The following DOCK10 variants were observed in gnomAD, a reference collection of about 807,000 sequenced individuals.
DOCK10 encodes the protein dedicator of cytokinesis protein 10.
In DOCK10, 145 loss-of-function variants were observed where a neutral mutation model predicts 280.1. That is an observed-to-expected ratio of 0.52 (90% CI 0.45 to 0.59). The LOEUF (loss-of-function observed/expected upper bound fraction) is 0.59, where lower values mean the gene tolerates loss of function less well. Among genes scored for constraint, DOCK10 ranks in the 20% least tolerant of loss-of-function variants. The pLI, the probability that DOCK10 is intolerant of heterozygous loss-of-function variation, is 0.00. For missense variants in DOCK10, 2,368 were observed against 2,651.7 expected (o/e 0.89, Z 2.35); for synonymous variants, 915 against 942.2 (o/e 0.97, Z 0.53).
rs186621722 is a variant in DOCK10 at position 224,766,648 on chromosome 2, C to T, written c.6445-811G>A. 2.5e-3 allele frequency among the ~76,000 whole-genome samples: 379 copies of T among 152,294 alleles called. 1 individual carries two copies. Among genetic ancestry groups the T allele is most frequent in the African/African-American group, 8.8e-3 (367 of 41,568 alleles). On this transcript the variant is annotated intron_variant, in intron 55 of 55. Transcript: ENST00000258390. ...CACACCAGATTGGGTCCATTCCTTT[C>T]TCTGCATTTTGTATTGGATACCCAT...
chr2:224,873,594 C>CA (rs35401247), intron 11 of DOCK10, among the ~76,000 whole-genome samples: 8,104 of 33,438 alleles, frequency 0.24, 1,609 homozygotes, highest in East Asian at 0.34. Flanking sequence ...AAGACCATCT[C>CA]AAAAAAAAAA....
At chr2:224,810,662 G>T (rs1264474305) in intron 31 of DOCK10, among the ~76,000 whole-genome samples, 2 of 119,320 alleles carry the variant, frequency 1.7e-5, no homozygotes, top group African/African-American at 6.6e-5. Context: ...AGTCCCCAGA[G>T]TGTGATGTTC....
chr2:224,886,359 A>G, intron 5 of DOCK10, 100 bp downstream of exon 5: 1 of 1,452,064 alleles, frequency 6.9e-7, no homozygotes, highest in South Asian at 1.2e-5. Flanking sequence ...AACAGCTACT[A>G]CAGCTTACAA....
At chr2:224,814,406 C>T in intron 30 of DOCK10, 42 bp from the exon 31 acceptor site, 2 of 1,107,030 alleles carry the variant, frequency 1.8e-6, no homozygotes, top group Non-Finnish European at 2.6e-6. Context: ...TATACATATA[C>T]ATACTCAGAT....
At chr2:224,834,336 A>C in intron 25 of DOCK10, 73 bp from the exon 26 acceptor site, 1 of 880,418 alleles carries the variant, frequency 1.1e-6, no homozygotes, top group Non-Finnish European at 1.9e-6. Flanking sequence ...TGTCATGTGA[A>C]TAACTTATGT....
At chr2:224,834,325 A>G in intron 25 of DOCK10, 62 bp from the exon 26 acceptor site, 1 of 954,496 alleles carries the variant, frequency 1.0e-6, no homozygotes, top group Non-Finnish European at 1.7e-6. Context: ...TTCAAAAACT[A>G]TGTCATGTGA....
At chr2:224,823,955 T>C (rs1694677840) in intron 27 of DOCK10, among the ~76,000 whole-genome samples, 1 of 152,202 alleles carries the variant, frequency 6.6e-6, no homozygotes, top group South Asian at 2.1e-4. Context: ...GTGAACCTTC[T>C]CTGTGGCCTC....
intron 1 of DOCK10, among the ~76,000 whole-genome samples, chr2:225,003,787 T>C (rs993420072): frequency 6.6e-6 from 1 of 152,188 alleles, no homozygotes; most frequent in African/African-American, 2.4e-5. Flanking sequence ...TTTACACTGA[T>C]AAAATAAGGC....
At chr2:224,875,475 C>T (rs554252340) in intron 8 of DOCK10, among the ~76,000 whole-genome samples, 1 of 152,256 alleles carries the variant, frequency 6.6e-6, no homozygotes, top group Admixed American at 6.5e-5. Flanking sequence ...TTTCTTTCCT[C>T]TCTCTTGTTC....
At chr2:224,921,741 T>C (rs1701763247) in intron 2 of DOCK10, among the ~76,000 whole-genome samples, 1 of 152,210 alleles carries the variant, frequency 6.6e-6, no homozygotes, top group East Asian at 1.9e-4. Context: ...ATGTATGATG[T>C]ATGCCCATAA....
chr2:224,910,450 C>A (rs1362770334), intron 3 of DOCK10, among the ~76,000 whole-genome samples: 1 of 152,156 alleles, frequency 6.6e-6, no homozygotes, highest in Non-Finnish European at 1.5e-5. Context: ...AGGGACGGAG[C>A]TGGTGGCATG....
At position 224,808,288 on chromosome 2, in the gene DOCK10, T is replaced by C. The variant is rs147105396; in HGVS notation, c.3410-202A>G. ...ACTATTCTGTGTAGACAAACACAAA[T>C]ACAGGTACAAACTAACACACAACAT... On this transcript the variant is annotated intron_variant, in intron 31 of 55. Coordinates refer to ENST00000258390, the MANE Select transcript of DOCK10 (RefSeq NM_014689.3). Among the ~76,000 whole-genome samples the C allele has an allele frequency of 3.6e-3, 554 of 152,206 alleles. 2 individuals are homozygous for C. Among genetic ancestry groups the C allele is most frequent in the Non-Finnish European group, 5.2e-3 (351 of 67,992 alleles).
At chr2:225,014,081 A>ATATATATATATATATATATTT (rs776104946) in intron 1 of DOCK10, among the ~76,000 whole-genome samples, 6 of 96,798 alleles carry the variant, frequency 6.2e-5, no homozygotes, top group East Asian at 3.1e-4. Context: ...GTCTGAATAT[A>ATATATATATATATATATATTT]TTGTTTTTTT....
chr2:224,779,036 A>G (rs1039270651), intron 50 of DOCK10, among the ~76,000 whole-genome samples: 6 of 152,024 alleles, frequency 3.9e-5, no homozygotes, highest in African/African-American at 1.2e-4. Flanking sequence ...TTTAGCCTCT[A>G]TTAATTTATT....
chr2:224,873,945 G>T (rs1574973809), intron 11 of DOCK10, 51 bp downstream of exon 11: 1 of 1,554,504 alleles, frequency 6.4e-7, no homozygotes, highest in Non-Finnish European at 8.7e-7. Context: ...TTTGACTAGG[G>T]TGGTGTAATG....
At chr2:224,879,523 C>G (rs1386399084) in intron 7 of DOCK10, among the ~76,000 whole-genome samples, 1 of 152,116 alleles carries the variant, frequency 6.6e-6, no homozygotes, top group Non-Finnish European at 1.5e-5. Flanking sequence ...TTTAGGAGGC[C>G]AAGGCGGGCA....
intron 11 of DOCK10, among the ~76,000 whole-genome samples, chr2:224,870,401 T>A (rs1429528804): frequency 6.6e-6 from 1 of 152,152 alleles, no homozygotes; most frequent in African/African-American, 2.4e-5. Flanking sequence ...GTTTCTAGAT[T>A]TTTGTTTTGT....
chr2:224,856,695 A>G (rs921887625), intron 15 of DOCK10, among the ~76,000 whole-genome samples, 165 bp downstream of exon 15: 1 of 152,142 alleles, frequency 6.6e-6, no homozygotes, highest in Non-Finnish European at 1.5e-5. Flanking sequence ...AATTCTAGCA[A>G]TTTTTACTTT....
At chr2:224,801,767 TAACCAC>T in intron 40 of DOCK10, 143 bp downstream of exon 40, 3 of 843,822 alleles carry the variant, frequency 3.6e-6, no homozygotes, top group Non-Finnish European at 3.7e-6. Context: ...CATTTTTTTT[TAACCAC>T]TCCCTGGTGA....
Sources: gnomAD v4.1 joint callset for allele counts (sites outside exome capture counted in the v4.1 genomes callset) on GRCh38, gnomAD v4.1.1 for gene constraint, MANE v1.5 for transcripts, NCBI Gene and HGNC (gene_info 2026-07-23, HGNC 2026-07-21) for gene names.